CACNA1E: variants seen among roughly 807,000 people sequenced by gnomAD.
The protein encoded by CACNA1E is voltage-dependent R-type calcium channel subunit alpha-1E.
A neutral mutation model predicts 259.2 loss-of-function variants in CACNA1E; 40 were observed. The ratio of observed to expected loss-of-function variants is 0.15; its 90% CI spans 0.12 to 0.20. The LOEUF (loss-of-function observed/expected upper bound fraction) is 0.20, where lower values mean the gene tolerates loss of function less well. Among genes scored for constraint, CACNA1E ranks in the 10% least tolerant of loss-of-function variants. The probability of loss-of-function intolerance (pLI) is 1.00; values close to 1 mark genes in which losing one functional copy is unlikely to be tolerated. For missense variants in CACNA1E, 1,874 were observed against 3,040.1 expected (o/e 0.62, Z 9.02); for synonymous variants, 1,104 against 1,138.5 (o/e 0.97, Z 0.61).
chr1:181,740,994 C>A (rs987405589), intron 25 of CACNA1E, among the ~76,000 whole-genome samples: 1 of 152,162 alleles, frequency 6.6e-6, no homozygotes, highest in African/African-American at 2.4e-5. Context: ...GGAGACCCAC[C>A]TTTTTTGTTA....
intron 3 of CACNA1E, among the ~76,000 whole-genome samples, chr1:181,569,987 G>A (rs1256302000): frequency 6.6e-6 from 1 of 152,196 alleles, no homozygotes; most frequent in Non-Finnish European, 1.5e-5. Flanking sequence ...AGATTGGTGT[G>A]AGCTACAGAA....
chr1:181,399,410 G>C (rs1656926152), intron 1 of CACNA1E, among the ~76,000 whole-genome samples: 1 of 152,164 alleles, frequency 6.6e-6, no homozygotes, highest in Non-Finnish European at 1.5e-5. Context: ...ATTGTCCCAG[G>C]TGGCCACAGG....
intron 25 of CACNA1E, among the ~76,000 whole-genome samples, chr1:181,743,339 A>G (rs1023104646): frequency 6.6e-6 from 1 of 152,186 alleles, no homozygotes; most frequent in African/African-American, 2.4e-5. Context: ...GTGTGATTTC[A>G]TGTGAAAGGA....
At chr1:181,797,513 G>C (rs192627153) in intron 47 of CACNA1E, among the ~76,000 whole-genome samples, 1 of 152,200 alleles carries the variant, frequency 6.6e-6, no homozygotes, top group Non-Finnish European at 1.5e-5. Context: ...CAGTCGAGAG[G>C]TTTCCCTTCT....
At chr1:181,458,339 A>G (rs930934392) in intron 2 of CACNA1E, among the ~76,000 whole-genome samples, 7 of 152,186 alleles carry the variant, frequency 4.6e-5, no homozygotes, top group African/African-American at 1.7e-4. Flanking sequence ...CATTTCCCAC[A>G]GTTTCCTATG....
chr1:181,459,441 C>T (rs1661667698), intron 2 of CACNA1E, among the ~76,000 whole-genome samples: 1 of 152,226 alleles, frequency 6.6e-6, no homozygotes, highest in South Asian at 2.1e-4. Flanking sequence ...TGTGAGGATT[C>T]CTCTGTAGAA....
chr1:181,414,568 A>G (rs146500845), intron 2 of CACNA1E, among the ~76,000 whole-genome samples: 19 of 152,310 alleles, frequency 1.2e-4, no homozygotes, highest in Non-Finnish European at 2.4e-4. Flanking sequence ...CCAGCATTCA[A>G]CAAATCTCTT....
chr1:181,749,849 G>A (rs891028362), intron 25 of CACNA1E, among the ~76,000 whole-genome samples: 5 of 152,232 alleles, frequency 3.3e-5, no homozygotes, highest in African/African-American at 1.2e-4. Context: ...AAACTTTGGT[G>A]TGACATCATG....
chr1:181,520,226 T>G (rs1370839258), intron 3 of CACNA1E, among the ~76,000 whole-genome samples: 1 of 152,320 alleles, frequency 6.6e-6, no homozygotes, highest in East Asian at 1.9e-4. Context: ...AGTCACTTGC[T>G]CAAGGTCAAA....
chr1:181,645,858 T>G (rs1658220390), intron 6 of CACNA1E, among the ~76,000 whole-genome samples: 1 of 152,226 alleles, frequency 6.6e-6, no homozygotes, highest in Non-Finnish European at 1.5e-5. Context: ...AATATGGCAT[T>G]TCAGCTCCAA....
intron 6 of CACNA1E, 148 bp from the exon 7 acceptor site, chr1:181,651,190 G>A (rs986348497): frequency 5.0e-5 from 29 of 582,426 alleles, no homozygotes; most frequent in Admixed American, 2.8e-4. Flanking sequence ...GCTAACTCAC[G>A]GTAATACCAA....
chr1:181,576,059 G>C (rs1021297868), intron 3 of CACNA1E, among the ~76,000 whole-genome samples: 1 of 152,166 alleles, frequency 6.6e-6, no homozygotes, highest in African/African-American at 2.4e-5. Context: ...CAAAAGGAGT[G>C]TGGAAGACTC....
At chr1:181,695,041 C>T (rs938522394) in intron 7 of CACNA1E, among the ~76,000 whole-genome samples, 1 of 151,982 alleles carries the variant, frequency 6.6e-6, no homozygotes, top group African/African-American at 2.4e-5. Context: ...GATACAAGGT[C>T]AACATACAAA....
Position 181,776,292 on chromosome 1 carries a change from A to G in CACNA1E, c.5267+64A>G. The G allele has an allele frequency of 1.3e-6, 2 of 1,570,320 alleles. No individual in the cohort carries two copies. The highest frequency in any genetic ancestry group is 1.8e-6 in the Non-Finnish European group (2 of 1,140,986). On this transcript the variant is annotated intron_variant, in intron 38 of 47. Coordinates refer to ENST00000367573, the MANE Select transcript of CACNA1E (RefSeq NM_001205293.3). The surrounding 1 kb of genome is among the most constrained non-coding windows in gnomAD (Gnocchi z 4.4). ...CAAAGGTCTCTGGAGTTCCCAGGGA[A>G]GAGGCTGGAATTGGAGCCACCCAAA...
chr1:181,552,648 A>G (rs180690022), intron 3 of CACNA1E, among the ~76,000 whole-genome samples: 238 of 152,166 alleles, frequency 1.6e-3, no homozygotes, highest in African/African-American at 5.6e-3. Flanking sequence ...ATCATTATAT[A>G]TTTATTATTT....
At chr1:181,566,367 A>G (rs1162470348) in intron 3 of CACNA1E, among the ~76,000 whole-genome samples, 1 of 152,228 alleles carries the variant, frequency 6.6e-6, no homozygotes, top group Non-Finnish European at 1.5e-5. Context: ...ACTGTGAAAC[A>G]ACAATAAGAA....
chr1:181,782,693 C>G (rs1021856953), intron 39 of CACNA1E, among the ~76,000 whole-genome samples: 2 of 152,150 alleles, frequency 1.3e-5, no homozygotes, highest in African/African-American at 4.8e-5. Context: ...TTGTATGGCC[C>G]CAGATAGCAT....
Position 181,732,198 on chromosome 1 carries a change from G to A in CACNA1E, c.2298-186G>A, listed in dbSNP as rs1476810336. ...AAAGTACCTGGGCTGGGAGGCACCT[G>A]CCTGATGAGCTCCTCACGTGTGGCC... is the stretch of plus-strand genomic sequence containing the variant. On this transcript the variant is annotated intron_variant, in intron 19 of 47. Coordinates refer to ENST00000367573, the MANE Select transcript of CACNA1E (RefSeq NM_001205293.3). The surrounding 1 kb of genome is among the most constrained non-coding windows in gnomAD (Gnocchi z 5.5). Among the ~76,000 whole-genome samples, 1 of 152,098 alleles carries A rather than the reference G, an allele frequency of 6.6e-6. No individual in the cohort carries two copies. Among genetic ancestry groups the A allele is most frequent in the Non-Finnish European group, 1.5e-5 (1 of 68,010 alleles).
chr1:181,802,657 G>C lies in CACNA1E; in HGVS notation c.*3823G>C, dbSNP rs924790832. The C allele has an allele frequency of 6.6e-6, 1 of 152,158 alleles. No individual in the cohort carries two copies. The highest frequency in any genetic ancestry group is 2.4e-5 in the African/African-American group (1 of 41,438). 9.4% of individuals were successfully genotyped at this position (152,158 alleles called of 1,614,324 possible). A position where few individuals can be genotyped will look rare whatever the true frequency, so the allele number is the denominator to read the frequency against. ...GTTTGGAACTCACCTGGTGCTCCTC[G>C]CAAGACAACTGACACAAGGTGTAGG... On this transcript the variant is annotated 3_prime_UTR_variant, in exon 48 of 48. Coordinates refer to ENST00000367573, the MANE Select transcript of CACNA1E (RefSeq NM_001205293.3).
Sources: gnomAD v4.1 joint callset for allele counts (sites outside exome capture counted in the v4.1 genomes callset) on GRCh38, gnomAD v4.1.1 for gene constraint, Gnocchi (gnomAD v3.1) non-coding constraint, MANE v1.5 for transcripts, NCBI Gene and HGNC (gene_info 2026-07-23, HGNC 2026-07-21) for gene names.